The following EVA1A variants were observed in gnomAD, a reference collection of about 807,000 sequenced individuals.
EVA1A encodes the protein protein eva-1 homolog A.
Under a neutral mutation model 9.8 loss-of-function variants are expected in EVA1A, and 7 were observed. The ratio of observed to expected loss-of-function variants is 0.71; its 90% confidence interval spans 0.41 to 1.34. The LOEUF is 1.34. EVA1A is among the 40% of genes most tolerant of loss of function. The pLI, the probability that EVA1A is intolerant of heterozygous loss-of-function variation, is 0.01. For missense variants in EVA1A, 206 were observed against 205.9 expected, an observed-to-expected ratio of 1.00 and a Z score of 0.00; for synonymous variants, 90 against 85.6, an observed-to-expected ratio of 1.05 and a Z score of -0.28.
intron 1 of EVA1A, among the ~76,000 whole-genome samples, chr2:75,556,038 A>C (rs762258287): frequency 6.6e-6 from 1 of 152,176 alleles, no homozygotes; most frequent in Non-Finnish European, 1.5e-5. Flanking sequence ...ATCTATTCAC[A>C]CGTCCCTCAT....
intron 1 of EVA1A, among the ~76,000 whole-genome samples, chr2:75,533,764 C>T (rs959401797): frequency 8.6e-5 from 13 of 151,410 alleles, no homozygotes; most frequent in African/African-American, 2.9e-4. Context: ...GGTGAGACCC[C>T]AATCTCTAAA....
intron 1 of EVA1A, among the ~76,000 whole-genome samples, chr2:75,524,638 C>A (rs1413079078): frequency 6.6e-6 from 1 of 152,140 alleles, no homozygotes; most frequent in South Asian, 2.1e-4. Flanking sequence ...TGACATCTTA[C>A]TTTCTCACTT....
chr2:75,551,942 G>A lies in EVA1A; in HGVS notation c.-192+8738C>T, dbSNP rs566047961. The stretch of plus-strand genomic sequence containing the variant: ...ATGCCTGTAATTCTGGCACTTTGGG[G>A]GACTGAGGCAGGAGGATCACTTGAG... On this transcript the variant is annotated intron_variant, in intron 1 of 3. Coordinates refer to ENST00000393913, the MANE Select transcript of EVA1A (RefSeq NM_001135032.2). Among the ~76,000 whole-genome samples, 9 of 152,232 alleles carry A rather than the reference G, an allele frequency of 5.9e-5. No individual in the cohort carries two copies. In the South Asian group the frequency reaches 1.9e-3, roughly 32 times the overall value.
chr2:75,536,356 A>G lies in EVA1A; in HGVS notation c.-191-13869T>C, dbSNP rs182009999. Among the ~76,000 whole-genome samples the G allele has an allele frequency of 2.0e-5, 3 of 147,000 alleles. No homozygotes were observed. In the East Asian group the frequency reaches 5.9e-4, roughly 29 times the overall value. ...CTTAAAAACAAAACAAAGCAAAAACACCTCCCCCCCAAATAAAACAAAGCA... is the reference window on the plus strand; with the variant it reads ...CTTAAAAACAAAACAAAGCAAAAACGCCTCCCCCCCAAATAAAACAAAGCA... On this transcript the variant is annotated intron_variant, in intron 1 of 3. Coordinates refer to ENST00000393913, the MANE Select transcript of EVA1A (RefSeq NM_001135032.2).
intron 1 of EVA1A, among the ~76,000 whole-genome samples, chr2:75,534,316 G>A (rs1237642619): frequency 6.6e-6 from 1 of 152,088 alleles, no homozygotes; most frequent in Non-Finnish European, 1.5e-5. Flanking sequence ...TTGGAGTAGG[G>A]CAAAGGGAAG....
intron 1 of EVA1A, among the ~76,000 whole-genome samples, chr2:75,528,688 C>T (rs905517672): frequency 1.1e-4 from 17 of 152,172 alleles, no homozygotes; most frequent in African/African-American, 4.1e-4. Context: ...TTCTACCCAC[C>T]TTGGTAGCTG....
Position 75,492,995 on chromosome 2 carries a change from G to C in EVA1A, c.*241C>G, listed in dbSNP as rs563700579. ...TCTCCGATCTCCATCCACAGTGTTG[G>C]AGAGGATTTTTCAGCACCATTCCGA... On this transcript the variant is annotated 3_prime_UTR_variant, in exon 4 of 4. Coordinates refer to ENST00000393913, the MANE Select transcript of EVA1A (RefSeq NM_001135032.2). The C allele has an allele frequency of 2.4e-4, 134 of 550,108 alleles. No individual in the cohort carries two copies. Among genetic ancestry groups the C allele is most frequent in the Non-Finnish European group, 3.3e-4 (104 of 315,016 alleles). The allele number at this position is 550,108 out of a possible 1,614,324, so 34.1% of individuals were successfully genotyped here.
chr2:75,556,384 G>A (rs780069335), intron 1 of EVA1A, among the ~76,000 whole-genome samples: 2 of 152,168 alleles, frequency 1.3e-5, no homozygotes, highest in African/African-American at 2.4e-5. Context: ...GGCAGCCAAC[G>A]AAGTGTGACA....
intron 3 of EVA1A, among the ~76,000 whole-genome samples, chr2:75,509,603 G>C (rs1175061407): frequency 2.0e-5 from 3 of 151,998 alleles, no homozygotes; most frequent in Non-Finnish European, 4.4e-5. Flanking sequence ...TTTCACCCTA[G>C]GTCAAATTTC....
intron 3 of EVA1A, 134 bp downstream of exon 3, chr2:75,517,922 C>T (rs1675072872): frequency 9.5e-7 from 1 of 1,047,448 alleles, no homozygotes; most frequent in Admixed American, 2.0e-5. Context: ...TCTCAAAGCT[C>T]AGCAAAGCAG....
intron 1 of EVA1A, among the ~76,000 whole-genome samples, chr2:75,523,604 G>T (rs1386329745): frequency 1.3e-5 from 2 of 152,120 alleles, no homozygotes; most frequent in African/African-American, 4.8e-5. Flanking sequence ...GGCTTCCACT[G>T]CCCCATCAAC....
chr2:75,511,570 A>G (rs1417742820), intron 3 of EVA1A, among the ~76,000 whole-genome samples: 1 of 152,192 alleles, frequency 6.6e-6, no homozygotes, highest in East Asian at 1.9e-4. Flanking sequence ...GAAATGGAGG[A>G]GGAGAAAACT....
Position 75,492,993 on chromosome 2 carries a change from T to G in EVA1A, c.*243A>C, listed in dbSNP as rs763625598. The G allele has an allele frequency of 3.7e-6, 2 of 543,218 alleles. No homozygotes were observed. Among genetic ancestry groups the G allele is most frequent in the Non-Finnish European group, 6.4e-6 (2 of 310,526 alleles). The allele number at this position is 543,218 out of a possible 1,614,324, so 33.6% of individuals were successfully genotyped here. A position where few individuals can be genotyped will look rare whatever the true frequency, so the allele number is the denominator to read the frequency against. ...TTTCTCCGATCTCCATCCACAGTGTTGGAGAGGATTTTTCAGCACCATTCC... is the reference window on the plus strand; with the variant it reads ...TTTCTCCGATCTCCATCCACAGTGTGGGAGAGGATTTTTCAGCACCATTCC... On this transcript the variant is annotated 3_prime_UTR_variant, in exon 4 of 4. Transcript: ENST00000393913.
chr2:75,532,041 T>C (rs868481762), intron 1 of EVA1A, among the ~76,000 whole-genome samples: 1 of 151,088 alleles, frequency 6.6e-6, no homozygotes, highest in African/African-American at 2.4e-5. Flanking sequence ...GTGCCTGTGG[T>C]CCCACCTACT....
intron 1 of EVA1A, among the ~76,000 whole-genome samples, chr2:75,534,398 T>C (rs1360938832): frequency 6.6e-6 from 1 of 152,038 alleles, no homozygotes; most frequent in Admixed American, 6.6e-5. Flanking sequence ...AATATATATA[T>C]GTAGTAACAC....
At chr2:75,550,144 A>C (rs2103965838) in intron 1 of EVA1A, among the ~76,000 whole-genome samples, 1 of 152,292 alleles carries the variant, frequency 6.6e-6, no homozygotes, top group East Asian at 1.9e-4. Flanking sequence ...GTAACAAAGA[A>C]TTCACAGGAA....
Position 75,550,654 on chromosome 2 carries a change from C to A in EVA1A, c.-192+10026G>T, listed in dbSNP as rs115568371. On this transcript the variant is annotated intron_variant, in intron 1 of 3. Coordinates refer to ENST00000393913, the MANE Select transcript of EVA1A (RefSeq NM_001135032.2). ...GTGAAAGACATTTTCTCTGCTCCAT[C>A]TAATAAAAGCTGAAGACCTGAAACA... Among the ~76,000 whole-genome samples, 700 of 152,338 alleles carry A rather than the reference C, an allele frequency of 4.6e-3. 6 individuals carry two copies. The highest frequency in any genetic ancestry group is 0.017 in the South Asian group (83 of 4,828).
intron 2 of EVA1A, chr2:75,518,920 T>G (rs1675136423): frequency 5.1e-6 from 5 of 971,080 alleles, no homozygotes; most frequent in Non-Finnish European, 6.1e-6. Flanking sequence ...CTACAGGAAT[T>G]TGAGAGCTCG....
intron 3 of EVA1A, among the ~76,000 whole-genome samples, chr2:75,507,219 A>G (rs1019660426): frequency 1.3e-5 from 2 of 152,152 alleles, no homozygotes; most frequent in Non-Finnish European, 2.9e-5. Context: ...AGGACCCAAC[A>G]ATCATTGCCA....
Sources: gnomAD v4.1 joint callset for allele counts (sites outside exome capture counted in the v4.1 genomes callset) on GRCh38, gnomAD v4.1.1 for gene constraint, MANE v1.5 for transcripts, NCBI Gene and HGNC (gene_info 2026-07-23, HGNC 2026-07-21) for gene names.